RASSF9: variants seen among roughly 807,000 people sequenced by gnomAD.
RASSF9 encodes the protein ras association domain-containing protein 9.
In RASSF9, 18 loss-of-function variants were observed where a neutral mutation model predicts 21.4. The observed-to-expected ratio is 0.84, with a 90% CI of 0.58 to 1.25. RASSF9 has a LOEUF of 1.25. Ranked by LOEUF, RASSF9 falls within the 50% of genes most tolerant of loss-of-function variation. The probability of loss-of-function intolerance (pLI) is 0.00; values close to 1 mark genes in which losing one functional copy is unlikely to be tolerated. For missense variants in RASSF9, 480 were observed against 503.2 expected, an observed-to-expected ratio of 0.95 and a Z score of 0.44; for synonymous variants, 183 against 179.1, an observed-to-expected ratio of 1.02 and a Z score of -0.18.
intron 1 of RASSF9, among the ~76,000 whole-genome samples, chr12:85,824,032 T>A (rs1262029464): frequency 6.6e-6 from 1 of 152,214 alleles, no homozygotes; most frequent in Admixed American, 6.5e-5. Flanking sequence ...AGTTGCAGTC[T>A]GTAAACCAAT....
In RASSF9 at chr12:85,808,186, G is replaced by C. The variant is rs1057095449; in HGVS notation, c.48-2224C>G. On this transcript the variant is annotated intron_variant, in intron 1 of 1. Transcript: ENST00000361228. ...TAAATTAACTAACTCTTATACTTTG[G>C]TTATTGACTCACATGAAGTAAAAAA... Among the ~76,000 whole-genome samples the C allele has an allele frequency of 2.6e-5, 4 of 151,884 alleles. No individual in the cohort carries two copies. In the East Asian group the frequency reaches 7.7e-4, roughly 29 times the overall value.
At chr12:85,806,040 C>A in intron 1 of RASSF9, 78 bp from the exon 2 acceptor site, 1 of 1,448,744 alleles carries the variant, frequency 6.9e-7, no homozygotes, top group Non-Finnish European at 9.3e-7. Flanking sequence ...CATTAGTATG[C>A]TTTCTAGATT....
At chr12:85,813,820 A>C (rs755782239) in intron 1 of RASSF9, among the ~76,000 whole-genome samples, 52 of 151,972 alleles carry the variant, frequency 3.4e-4, no homozygotes, top group Non-Finnish European at 6.2e-4. Context: ...TCTAAAACCC[A>C]TTATATGAAG....
intron 1 of RASSF9, among the ~76,000 whole-genome samples, chr12:85,813,916 T>A (rs1022163468): frequency 6.6e-6 from 1 of 152,028 alleles, no homozygotes; most frequent in South Asian, 2.1e-4. Context: ...TAACTCTTTA[T>A]TTCCTAGGCC....
At chr12:85,811,791 C>A (rs981521578) in intron 1 of RASSF9, among the ~76,000 whole-genome samples, 1 of 151,664 alleles carries the variant, frequency 6.6e-6, no homozygotes, top group African/African-American at 2.4e-5. Context: ...TTACATATAA[C>A]AAGGTAATTC....
chr12:85,806,156 C>T (rs1017467312), intron 1 of RASSF9, among the ~76,000 whole-genome samples, 194 bp from the exon 2 acceptor site: 10 of 151,812 alleles, frequency 6.6e-5, no homozygotes, highest in Non-Finnish European at 1.5e-5. Context: ...ACGCCATTCT[C>T]CTGCCTCAGC....
chr12:85,805,696 T>A lies in RASSF9; in HGVS notation c.314A>T (p.Asp105Val). 6.2e-7 allele frequency: 1 copy of A among 1,613,984 alleles called. No individual in the cohort carries two copies. Among genetic ancestry groups the A allele is most frequent in the Admixed American group, 1.7e-5 (1 of 60,030 alleles). The change falls in exon 2 of 2, where the codon GAT becomes GTT. Residue 105 changes from aspartate to valine, a missense_variant. Physicochemically the swap from Asp to Val is radical, Grantham distance 152. Transcript: ENST00000361228. ...RILKLWKAWGDEQPNMQFVLV... is the reference protein window; with the variant it reads ...RILKLWKAWGVEQPNMQFVLV... ...AACAAATTGCATATTGGGCTGCTCA[T>A]CTCCCCACGCTTTCCAAAGCTTCAG...
intron 1 of RASSF9, among the ~76,000 whole-genome samples, chr12:85,810,133 T>A (rs1008167855): frequency 1.3e-5 from 2 of 152,136 alleles, no homozygotes; most frequent in South Asian, 4.1e-4. Context: ...ATTATATGCT[T>A]CACCAAGCCT....
chr12:85,821,733 T>C (rs1880215650), intron 1 of RASSF9, among the ~76,000 whole-genome samples: 2 of 152,090 alleles, frequency 1.3e-5, no homozygotes, highest in Middle Eastern at 3.2e-3. Context: ...TTCGAAGAAG[T>C]AATATTATAA....
intron 1 of RASSF9, among the ~76,000 whole-genome samples, chr12:85,806,513 A>C (rs1279486016): frequency 1.3e-5 from 2 of 150,846 alleles, no homozygotes; most frequent in African/African-American, 4.9e-5. Context: ...TCTCTACTAA[A>C]AATACAAAAA....
chr12:85,817,250 AT>A (rs1880092856), intron 1 of RASSF9, among the ~76,000 whole-genome samples: 1 of 152,104 alleles, frequency 6.6e-6, no homozygotes, highest in Non-Finnish European at 1.5e-5. Flanking sequence ...GATGCCATGA[AT>A]AATCCATTTA....
At chr12:85,824,840 G>A (rs996283462) in intron 1 of RASSF9, among the ~76,000 whole-genome samples, 1 of 152,000 alleles carries the variant, frequency 6.6e-6, no homozygotes, top group Admixed American at 6.6e-5. Context: ...TTTTGACTTC[G>A]AGCTTTTCCA....
chr12:85,805,265 A>C lies in RASSF9; in HGVS notation c.745T>G (p.Leu249Val). Reference protein sequence around the residue: ...SFSEVEQNLDLQYEENQTLED... With the variant: ...SFSEVEQNLDVQYEENQTLED... ...AGAGTCTGGTTTTCCTCATACTGCAAGTCTAGATTTTGCTCAACTTCACTG... is the reference window on the plus strand; with the variant it reads ...AGAGTCTGGTTTTCCTCATACTGCACGTCTAGATTTTGCTCAACTTCACTG... The change falls in exon 2 of 2, where the codon TTG (leucine) becomes GTG (valine). Residue 249 changes from leucine (L) to valine (V), a missense_variant. Coordinates refer to ENST00000361228, the MANE Select transcript of RASSF9 (RefSeq NM_005447.4). 6.2e-7 allele frequency: 1 copy of C among 1,613,632 alleles called. No homozygotes were observed.
intron 1 of RASSF9, among the ~76,000 whole-genome samples, chr12:85,807,954 A>T (rs1879871643): frequency 6.6e-6 from 1 of 152,140 alleles, no homozygotes; most frequent in South Asian, 2.1e-4. Flanking sequence ...ATGATGGTAT[A>T]ACAGTTTTGA....
At chr12:85,833,602 G>C (rs1223380122) in intron 1 of RASSF9, among the ~76,000 whole-genome samples, 1 of 151,942 alleles carries the variant, frequency 6.6e-6, no homozygotes, top group South Asian at 2.1e-4. Context: ...AAGAGAGGCA[G>C]AGAATAGCAT....
chr12:85,833,495 C>G (rs968599224), intron 1 of RASSF9, among the ~76,000 whole-genome samples: 2 of 151,866 alleles, frequency 1.3e-5, no homozygotes, highest in Non-Finnish European at 2.9e-5. Context: ...CTCTAAAACT[C>G]TCAACTATCC....
rs914208109 is a variant in RASSF9, at chr12:85,807,284, G to C, written c.48-1322C>G. Among the ~76,000 whole-genome samples the C allele has an allele frequency of 2.0e-4, 30 of 152,246 alleles. 1 individual carries two copies. Among genetic ancestry groups the C allele is most frequent in the African/African-American group, 6.3e-4 (26 of 41,558 alleles). On this transcript the variant is annotated intron_variant, in intron 1 of 1. Transcript: ENST00000361228. ...GATAGCAGAGTTGGAAATTGCTGCT[G>C]GTGGGAAGGAGAGATTAAATAATAG...
chr12:85,830,950 G>A (rs1434387662), intron 1 of RASSF9, among the ~76,000 whole-genome samples: 1 of 152,106 alleles, frequency 6.6e-6, no homozygotes, highest in Admixed American at 6.6e-5. Context: ...GTGTTTGGAT[G>A]TCAAGAAATT....
chr12:85,809,151 T>C (rs1453188342), intron 1 of RASSF9, among the ~76,000 whole-genome samples: 12 of 152,094 alleles, frequency 7.9e-5, no homozygotes, highest in Non-Finnish European at 1.5e-4. Flanking sequence ...ACACAGTGAG[T>C]GGTACAATGA....
Sources: gnomAD v4.1 joint callset for allele counts (sites outside exome capture counted in the v4.1 genomes callset) on GRCh38, gnomAD v4.1.1 for gene constraint, MANE v1.5 for transcripts, NCBI Gene and HGNC (gene_info 2026-07-23, HGNC 2026-07-21) for gene names.